Variants in TAF15 observed in about 807,000 individuals in gnomAD.
TAF15 encodes TATA-binding protein-associated factor 2N.
Under a neutral mutation model 102.5 loss-of-function variants are expected in TAF15, and 37 were observed. That is an observed-to-expected ratio of 0.36 (90% CI 0.28 to 0.47). TAF15 has a LOEUF of 0.47. Ranked by LOEUF, TAF15 falls within the 20% of genes least tolerant of loss-of-function variation. The probability of loss-of-function intolerance (pLI) is 0.99; values close to 1 mark genes in which losing one functional copy is unlikely to be tolerated. For missense variants in TAF15, 652 were observed against 760.7 expected (o/e 0.86, Z 1.68); for synonymous variants, 273 against 259.2 (o/e 1.05, Z -0.51).
In TAF15 at chr17:35,822,700, C is replaced by T. The variant is rs2087276882; in HGVS notation, c.351C>T (p.Asp117=). 6.2e-7 allele frequency: 1 copy of T among 1,614,012 alleles called. No homozygotes were observed. The highest frequency in any genetic ancestry group is 1.3e-5 in the African/African-American group (1 of 74,896). Residue 117 remains aspartate (D), a synonymous_variant, in exon 6 of 16, where the codon GAC becomes GAT. Transcript: ENST00000605844. ...QPDYGQQDSY[D]QQSGYDQHQG... is the part of the protein sequence containing the mutation. ...ACTATGGTCAACAAGATTCATATGA[C>T]CAGCAGTCAGGCTATGATCAACATC... is the stretch of plus-strand genomic sequence containing the variant.
chr17:35,837,689 T>C (rs1398680688), intron 10 of TAF15, among the ~76,000 whole-genome samples: 1 of 151,772 alleles, frequency 6.6e-6, no homozygotes, highest in Non-Finnish European at 1.5e-5. Flanking sequence ...TAGATGGGCG[T>C]GGTGGCATGC....
chr17:35,824,360 A>G, intron 7 of TAF15, 162 bp downstream of exon 7: 1 of 949,876 alleles, frequency 1.1e-6, no homozygotes. Context: ...GTGTATTTTC[A>G]GTCTTAATAT....
intron 7 of TAF15, among the ~76,000 whole-genome samples, chr17:35,832,892 C>T (rs899699997): frequency 2.6e-5 from 4 of 152,140 alleles, no homozygotes; most frequent in African/African-American, 7.2e-5. Flanking sequence ...CGCAGTGGCT[C>T]GTGCCTGTAA....
At chr17:35,819,999 C>G in intron 2 of TAF15, 25 bp from the exon 3 acceptor site, 1 of 1,609,258 alleles carries the variant, frequency 6.2e-7, no homozygotes, top group Non-Finnish European at 8.5e-7. Flanking sequence ...ACATTTCTTT[C>G]AAGTATTAAA....
chr17:35,830,116 G>C (rs2087383965), intron 7 of TAF15: 1 of 151,816 alleles, frequency 6.6e-6, no homozygotes, highest in Non-Finnish European at 1.5e-5. Context: ...CTCCAGCTTG[G>C]GCAACAAGAG....
intron 10 of TAF15, among the ~76,000 whole-genome samples, 193 bp downstream of exon 10, chr17:35,836,434 C>T (rs1006861169): frequency 6.6e-6 from 1 of 152,152 alleles, no homozygotes; most frequent in African/African-American, 2.4e-5. Context: ...CTTGTGTTTA[C>T]CTTTCCACAG....
At chr17:35,845,070 T>TA in intron 15 of TAF15, 32 bp downstream of exon 15, 1 of 1,612,748 alleles carries the variant, frequency 6.2e-7, no homozygotes, top group Non-Finnish European at 8.5e-7. Flanking sequence ...TTAACCTTTT[T>TA]ACCTCACTGC....
intron 9 of TAF15, among the ~76,000 whole-genome samples, chr17:35,835,919 C>G (rs985353527): frequency 6.6e-6 from 1 of 152,150 alleles, no homozygotes; most frequent in Non-Finnish European, 1.5e-5. Context: ...TGGACTTGAT[C>G]CACTTTACTT....
At chr17:35,835,181 CATTA>C (rs1278843994) in intron 9 of TAF15, among the ~76,000 whole-genome samples, 3 of 152,106 alleles carry the variant, frequency 2.0e-5, no homozygotes, top group African/African-American at 7.2e-5. Context: ...TGCTAGTTAG[CATTA>C]ATTATTTAAA....
At chr17:35,835,168 T>C (rs1301958703) in intron 9 of TAF15, among the ~76,000 whole-genome samples, 1 of 152,246 alleles carries the variant, frequency 6.6e-6, no homozygotes, top group Non-Finnish European at 1.5e-5. Flanking sequence ...CTTGAATTTT[T>C]ACTGCTAGTT....
rs76549486 is a variant in TAF15 at position 35,835,838 on chromosome 17, C to A, written c.674-294C>A. 0.021 allele frequency among the ~76,000 whole-genome samples: 3,251 copies of A among 152,170 alleles called. 68 individuals are homozygous for A. The highest frequency in any genetic ancestry group is 0.11 in the East Asian group (593 of 5,174). The stretch of plus-strand genomic sequence containing the variant: ...ACTCCATCTCTTCATGACGTTTAGC[C>A]CTATGTCTGAATCTGAAGAGTGAGG... On this transcript the variant is annotated intron_variant, in intron 9 of 15. Coordinates refer to ENST00000605844, the MANE Select transcript of TAF15 (RefSeq NM_139215.3).
At chr17:35,829,117 A>G (rs879633485) in intron 7 of TAF15, among the ~76,000 whole-genome samples, 4 of 152,166 alleles carry the variant, frequency 2.6e-5, no homozygotes, top group Non-Finnish European at 5.9e-5. Flanking sequence ...TCTTTTCCTC[A>G]CACTCAGAAA....
At position 35,809,561 on chromosome 17, in the gene TAF15, C is replaced by T. The variant is rs1342453571; in HGVS notation, c.-9C>T. The T allele has an allele frequency of 6.2e-7, 1 of 1,613,372 alleles. No homozygotes were observed. ...GGGCTGTGGGGCCTCCGCGCCGCGG[C>T]CGTTAGTCATGTCGGGTAGGTGACT... On this transcript the variant is annotated 5_prime_UTR_variant, in exon 1 of 16. Coordinates refer to ENST00000605844, the MANE Select transcript of TAF15 (RefSeq NM_139215.3).
chr17:35,820,532 T>C (rs2087246405), intron 5 of TAF15, 95 bp downstream of exon 5: 11 of 1,186,300 alleles, frequency 9.3e-6, no homozygotes, highest in African/African-American at 4.7e-5. Flanking sequence ...CTTTAAACTT[T>C]TTTTTTTTTT....
In TAF15 at chr17:35,809,528, T is replaced by A; in HGVS notation, c.-42T>A. On this transcript the variant is annotated 5_prime_UTR_variant, in exon 1 of 16. Coordinates refer to ENST00000605844, the MANE Select transcript of TAF15 (RefSeq NM_139215.3). ...CGCCGCCTGGCTTTCGTATTCGTTG[T>A]TCTCGGCGGGCTGTGGGGCCTCCGC... 6.2e-7 allele frequency: 1 copy of A among 1,612,682 alleles called. No homozygotes were observed. The highest frequency in any genetic ancestry group is 8.5e-7 in the Non-Finnish European group (1 of 1,179,710).
chr17:35,846,828 G>A, intron 15 of TAF15, 78 bp from the exon 16 acceptor site: 1 of 1,482,140 alleles, frequency 6.7e-7, no homozygotes, highest in Non-Finnish European at 9.4e-7. Context: ...CCAATCACTA[G>A]TACCCTGAAG....
At chr17:35,809,651 G>A in intron 1 of TAF15, 75 bp downstream of exon 1, 1 of 1,603,042 alleles carries the variant, frequency 6.2e-7, no homozygotes, top group South Asian at 1.1e-5. Flanking sequence ...CCCGCCCACC[G>A]GAGGGCCCTG....
rs140601071 is a variant in TAF15 at position 35,822,714 on chromosome 17, A to G, written c.365A>G (p.Tyr122Cys). Residue 122 changes from tyrosine to cysteine, a missense_variant, in exon 6 of 16, where the codon TAT (tyrosine) becomes TGT (cysteine). Coordinates refer to ENST00000605844, the MANE Select transcript of TAF15 (RefSeq NM_139215.3). ...GATTCATATGACCAGCAGTCAGGCT[A>G]TGATCAACATCAAGGCTCATATGAT... ...QQDSYDQQSG[Y>C]DQHQGSYDEQ... is the part of the protein sequence containing the mutation. 4.0e-4 allele frequency: 643 copies of G among 1,614,214 alleles called. 3 individuals are homozygous for G. The African/African-American group carries it at 5.9e-3, about 15-fold the overall frequency.
chr17:35,820,800 T>C lies in TAF15; in HGVS notation c.290+363T>C, dbSNP rs922443592. ...TTTGAACCATTTGAATATATTAACT[T>C]TTCAGGGACAAAAATATTTTTTAAA... On this transcript the variant is annotated intron_variant, in intron 5 of 15. Transcript: ENST00000605844. Among the ~76,000 whole-genome samples the C allele has an allele frequency of 2.6e-5, 4 of 152,228 alleles. No homozygotes were observed. In the South Asian group the frequency reaches 8.3e-4, roughly 32 times the overall value.
Sources: gnomAD v4.1 joint callset for allele counts (sites outside exome capture counted in the v4.1 genomes callset) on GRCh38, gnomAD v4.1.1 for gene constraint, MANE v1.5 for transcripts, NCBI Gene and HGNC (gene_info 2026-07-23, HGNC 2026-07-21) for gene names.